Variants in SLCO4C1 observed in about 807,000 individuals in gnomAD.
SLCO4C1 encodes the protein organic anion transporter M1.
Under a neutral mutation model 72.1 loss-of-function variants are expected in SLCO4C1, and 58 were observed. The observed-to-expected ratio is 0.80, with a 90% CI of 0.65 to 1.00. The LOEUF is 1.00. Among genes scored for constraint, SLCO4C1 ranks in the 50% least tolerant of loss-of-function variants. SLCO4C1 has a pLI of 0.00. For synonymous variants in SLCO4C1, 297 were observed against 312.5 expected, an observed-to-expected ratio of 0.95 and a Z score of 0.52; for missense variants, 898 against 857.9, an observed-to-expected ratio of 1.05 and a Z score of -0.58.
At position 102,263,682 on chromosome 5, in the gene SLCO4C1, G is replaced by C; in HGVS notation, c.899+2C>G. On this transcript the variant is annotated splice_donor_variant, in intron 4 of 12. Transcript: ENST00000310954. LOFTEE classifies it high-confidence loss of function. ...ATAAAAGAAAAATAGATACTGCCTT[G>C]CCTTTCTCCCATAGCAACATCAATG... 1 of 1,607,748 alleles carries C rather than the reference G, an allele frequency of 6.2e-7. No homozygotes were observed. The highest frequency in any genetic ancestry group is 1.3e-5 in the African/African-American group (1 of 74,748).
rs1748447489 is a variant in SLCO4C1 at position 102,236,954 on chromosome 5, A to G, written c.2079T>C (p.Pro693=). The change falls in exon 13 of 13, where the codon CCT becomes CCC. Residue 693 remains proline, a synonymous_variant. Transcript: ENST00000310954. ...GAAATGACACATCTGTGGCTGATGG[A>G]GGTGGTTTATACAAAAAGATTGCAA... ...NGFAIFLYKP[P]PSATDVSFHK... The G allele has an allele frequency of 6.2e-7, 1 of 1,612,700 alleles. No homozygotes were observed. Among genetic ancestry groups the G allele is most frequent in the South Asian group, 1.1e-5 (1 of 90,868 alleles).
chr5:102,237,534 C>G (rs1375652070), intron 12 of SLCO4C1, among the ~76,000 whole-genome samples: 1 of 152,114 alleles, frequency 6.6e-6, no homozygotes, highest in Non-Finnish European at 1.5e-5. Context: ...ATCGCTTCAC[C>G]CCTAGAGGTG....
intron 3 of SLCO4C1, among the ~76,000 whole-genome samples, chr5:102,268,048 A>C: frequency 6.6e-6 from 1 of 152,170 alleles, no homozygotes; most frequent in East Asian, 1.9e-4. Flanking sequence ...GCTGAAAAGA[A>C]GAACATGTAT....
At chr5:102,263,132 G>C (rs1748971978) in intron 4 of SLCO4C1, among the ~76,000 whole-genome samples, 3 of 152,152 alleles carry the variant, frequency 2.0e-5, no homozygotes, top group Admixed American at 2.0e-4. Context: ...CAGAATACTT[G>C]AGAGGATTAA....
rs74793432 is a variant in SLCO4C1, at chr5:102,279,717, T to C, written c.620-8911A>G. The stretch of plus-strand genomic sequence containing the variant: ...ATTCACAAATATATCCAAAGAATTG[T>C]ACACCATTGCCAGGTGAGGTTTATT... On this transcript the variant is annotated intron_variant, in intron 2 of 12. Coordinates refer to ENST00000310954, the MANE Select transcript of SLCO4C1 (RefSeq NM_180991.5). Among the ~76,000 whole-genome samples the C allele has an allele frequency of 2.7e-4, 41 of 152,140 alleles. No individual in the cohort carries two copies. The East Asian group carries it at 7.5e-3, about 28-fold the overall frequency.
intron 3 of SLCO4C1, among the ~76,000 whole-genome samples, chr5:102,265,867 G>A (rs368307228): frequency 6.6e-6 from 1 of 152,110 alleles, no homozygotes; most frequent in Non-Finnish European, 1.5e-5. Flanking sequence ...AATTTTGATA[G>A]GGATTGCATT....
chr5:102,263,808 C>A, intron 3 of SLCO4C1, 28 bp from the exon 4 acceptor site: 1 of 1,539,166 alleles, frequency 6.5e-7, no homozygotes, highest in Admixed American at 1.7e-5. Flanking sequence ...ACATTGAATA[C>A]AGTCATATGT....
At chr5:102,242,767 G>A (rs1748568724) in intron 10 of SLCO4C1, among the ~76,000 whole-genome samples, 1 of 152,176 alleles carries the variant, frequency 6.6e-6, no homozygotes, top group South Asian at 2.1e-4. Context: ...ATAAGACTCA[G>A]CACATTACCA....
chr5:102,254,879 C>A (rs1427075039), intron 8 of SLCO4C1, among the ~76,000 whole-genome samples: 2 of 152,066 alleles, frequency 1.3e-5, no homozygotes, highest in East Asian at 3.9e-4. Flanking sequence ...GAAGCAAACC[C>A]ACAATATCCT....
intron 6 of SLCO4C1, among the ~76,000 whole-genome samples, chr5:102,258,448 T>C (rs1007616421): frequency 2.0e-5 from 3 of 152,164 alleles, no homozygotes; most frequent in Non-Finnish European, 4.4e-5. Context: ...TTTTATTGTG[T>C]TCTGAATTCC....
At chr5:102,249,062 T>C (rs59921651) in intron 9 of SLCO4C1, among the ~76,000 whole-genome samples, 3,851 of 152,324 alleles carry the variant, frequency 0.025, 164 homozygotes, top group African/African-American at 0.088. Flanking sequence ...GTTTCTATTA[T>C]ATAAACTGTA....
In SLCO4C1 at chr5:102,271,195, G is replaced by A. The variant is rs180764070; in HGVS notation, c.620-389C>T. On this transcript the variant is annotated intron_variant, in intron 2 of 12. Transcript: ENST00000310954. ...GTCCAGTTTTCACTTATTATGTCCC[G>A]GACGTCTCTGATATTAGCACTTAAA... Among the ~76,000 whole-genome samples the A allele has an allele frequency of 9.2e-5, 14 of 151,760 alleles. No individual in the cohort carries two copies. In the South Asian group the frequency reaches 1.0e-3, roughly 11 times the overall value.
chr5:102,292,682 A>G (rs1749578073), intron 1 of SLCO4C1, among the ~76,000 whole-genome samples: 1 of 152,186 alleles, frequency 6.6e-6, no homozygotes, highest in Non-Finnish European at 1.5e-5. Context: ...AAGGAATAGA[A>G]GGTAAACAAG....
intron 2 of SLCO4C1, among the ~76,000 whole-genome samples, chr5:102,276,876 T>C (rs1749255991): frequency 6.6e-6 from 1 of 152,120 alleles, no homozygotes; most frequent in South Asian, 2.1e-4. Context: ...GAAACTTAAA[T>C]CCCTTGGGTA....
intron 9 of SLCO4C1, among the ~76,000 whole-genome samples, chr5:102,248,594 T>C (rs1298265435): frequency 6.6e-6 from 1 of 152,166 alleles, no homozygotes; most frequent in Non-Finnish European, 1.5e-5. Context: ...CCCTTCCTAA[T>C]AACTCCTTGT....
intron 8 of SLCO4C1, among the ~76,000 whole-genome samples, chr5:102,256,051 C>G (rs924102018): frequency 6.6e-6 from 1 of 152,026 alleles, no homozygotes; most frequent in Non-Finnish European, 1.5e-5. Flanking sequence ...ACTAAAAATA[C>G]AAAAATTAGC....
chr5:102,253,795 ACT>A (rs1221531135), intron 8 of SLCO4C1, among the ~76,000 whole-genome samples: 1 of 128,730 alleles, frequency 7.8e-6, no homozygotes, highest in Non-Finnish European at 1.7e-5. Context: ...ACCAAAGGAG[ACT>A]CTATCTCAAA....
At chr5:102,270,000 T>G (rs962063116) in intron 3 of SLCO4C1, among the ~76,000 whole-genome samples, 1 of 152,102 alleles carries the variant, frequency 6.6e-6, no homozygotes, top group Non-Finnish European at 1.5e-5. Flanking sequence ...CTCAGTGGCT[T>G]AGGCTACACT....
At chr5:102,246,914 A>G (rs569318864) in intron 10 of SLCO4C1, among the ~76,000 whole-genome samples, 1 of 152,254 alleles carries the variant, frequency 6.6e-6, no homozygotes, top group East Asian at 1.9e-4. Flanking sequence ...AATGCATGCC[A>G]TTCTGATTCT....
Sources: gnomAD v4.1 joint callset for allele counts (sites outside exome capture counted in the v4.1 genomes callset) on GRCh38, gnomAD v4.1.1 for gene constraint, MANE v1.5 for transcripts, NCBI Gene and HGNC (gene_info 2026-07-23, HGNC 2026-07-21) for gene names.